The following TMEFF2 variants were observed in gnomAD, a reference collection of about 807,000 sequenced individuals.
The protein encoded by TMEFF2 is transmembrane protein with EGF like and two follistatin like domains 2, also known as tomoregulin-2.
A neutral mutation model predicts 53.8 loss-of-function variants in TMEFF2; 28 were observed. The ratio of observed to expected loss-of-function variants is 0.52; its 90% CI spans 0.39 to 0.71. The LOEUF is 0.71. Among genes scored for constraint, TMEFF2 ranks in the 30% least tolerant of loss-of-function variants. TMEFF2 has a pLI of 0.00. For missense variants in TMEFF2, 353 were observed against 455.2 expected (o/e 0.78, Z 2.04); for synonymous variants, 162 against 166.3 (o/e 0.97, Z 0.20).
intron 7 of TMEFF2, among the ~76,000 whole-genome samples, chr2:191,989,371 G>A (rs1686051647): frequency 1.3e-5 from 2 of 152,146 alleles, no homozygotes; most frequent in South Asian, 2.1e-4. Flanking sequence ...TGGGGAGGAG[G>A]TCCTAGCCAA....
intron 4 of TMEFF2, among the ~76,000 whole-genome samples, chr2:192,153,416 G>A (rs1160202086): frequency 1.3e-5 from 2 of 151,642 alleles, no homozygotes. Flanking sequence ...ATTTATTGAT[G>A]AGTAGCCAAT....
At chr2:192,191,033 A>G (rs1691448934) in intron 2 of TMEFF2, among the ~76,000 whole-genome samples, 2 of 152,156 alleles carry the variant, frequency 1.3e-5, no homozygotes, top group African/African-American at 2.4e-5. Flanking sequence ...AATATAGGCT[A>G]TTAGTACAAC....
In TMEFF2 at chr2:191,994,946, A is replaced by G. The variant is rs75085146; in HGVS notation, c.745+3316T>C. Among the ~76,000 whole-genome samples the G allele has an allele frequency of 0.012, 1,844 of 152,098 alleles. 65 individuals are homozygous for G. The East Asian group carries it at 0.16, about 13-fold the overall frequency. ...AGGAGAGAGGGCAGAATAGAGATCC[A>G]AATCAAATGCAACCAGAAAGTAATA... On this transcript the variant is annotated intron_variant, in intron 7 of 9. Transcript: ENST00000272771.
intron 4 of TMEFF2, among the ~76,000 whole-genome samples, chr2:192,167,226 A>G (rs912355037): frequency 4.6e-5 from 7 of 152,158 alleles, no homozygotes; most frequent in African/African-American, 1.7e-4. Flanking sequence ...AAAATATCTA[A>G]TGGCAGCATT....
chr2:192,174,601 C>T (rs770064747), intron 4 of TMEFF2, among the ~76,000 whole-genome samples: 3 of 151,730 alleles, frequency 2.0e-5, no homozygotes, highest in Non-Finnish European at 4.4e-5. Context: ...TGGCTATACG[C>T]TCATCTCCAG....
chr2:192,136,568 G>A (rs1690012407), intron 4 of TMEFF2, among the ~76,000 whole-genome samples: 2 of 152,070 alleles, frequency 1.3e-5, no homozygotes, highest in Non-Finnish European at 2.9e-5. Context: ...ACCAAGAGGA[G>A]GAAAGAAATA....
At chr2:192,008,102 C>T (rs1330249161) in intron 5 of TMEFF2, among the ~76,000 whole-genome samples, 1 of 152,172 alleles carries the variant, frequency 6.6e-6, no homozygotes, top group Non-Finnish European at 1.5e-5. Flanking sequence ...CAGAAGCAAA[C>T]AGGCTTCTAT....
chr2:192,160,161 A>T (rs1046086907), intron 4 of TMEFF2, among the ~76,000 whole-genome samples: 1 of 152,184 alleles, frequency 6.6e-6, no homozygotes, highest in Non-Finnish European at 1.5e-5. Flanking sequence ...AGGGGAGGCC[A>T]AGTTGGGTGA....
intron 5 of TMEFF2, among the ~76,000 whole-genome samples, chr2:192,003,926 T>TGTGG (rs1553512512): frequency 1.0e-5 from 1 of 96,390 alleles, no homozygotes; most frequent in Non-Finnish European, 2.3e-5. Flanking sequence ...TGTGTGTGTG[T>TGTGG]GTGGGGGGGG....
At chr2:192,129,150 A>G (rs1235271290) in intron 4 of TMEFF2, among the ~76,000 whole-genome samples, 1 of 152,182 alleles carries the variant, frequency 6.6e-6, no homozygotes, top group Non-Finnish European at 1.5e-5. Context: ...CCCAAGGCTG[A>G]AAAAATGACT....
chr2:192,113,136 T>C (rs1400436026), intron 4 of TMEFF2, among the ~76,000 whole-genome samples: 2 of 151,980 alleles, frequency 1.3e-5, no homozygotes, highest in East Asian at 3.8e-4. Flanking sequence ...GCACTTAAAA[T>C]TAATATTATG....
intron 5 of TMEFF2, among the ~76,000 whole-genome samples, chr2:192,049,790 A>G (rs531753639): frequency 6.6e-6 from 1 of 152,308 alleles, no homozygotes; most frequent in Non-Finnish European, 1.5e-5. Flanking sequence ...TCACAAGGTC[A>G]GGAGATTGAG....
chr2:191,980,720 C>T (rs1685834047), intron 7 of TMEFF2, among the ~76,000 whole-genome samples: 1 of 152,070 alleles, frequency 6.6e-6, no homozygotes. Context: ...CTCCAGTCAT[C>T]TATGTTGATG....
Position 191,998,384 on chromosome 2 carries a change from T to C in TMEFF2, c.686-63A>G, listed in dbSNP as rs1298278419. 10 of 1,219,826 alleles carry C rather than the reference T, an allele frequency of 8.2e-6. No homozygotes were observed. The East Asian group carries it at 2.4e-4, about 30-fold the overall frequency. 75.6% of individuals were successfully genotyped at this position (1,219,826 alleles called of 1,614,324 possible). On this transcript the variant is annotated intron_variant, in intron 6 of 9. Coordinates refer to ENST00000272771, the MANE Select transcript of TMEFF2 (RefSeq NM_016192.4). ...CTTCCTAAATATCTAATATCAAACTTATATATTTCCTCCAACAATATCTTC... is the reference window on the plus strand; with the variant it reads ...CTTCCTAAATATCTAATATCAAACTCATATATTTCCTCCAACAATATCTTC...
chr2:192,009,387 A>C (rs1686573289), intron 5 of TMEFF2, among the ~76,000 whole-genome samples: 1 of 152,220 alleles, frequency 6.6e-6, no homozygotes, highest in Non-Finnish European at 1.5e-5. Context: ...GTGCACTTGC[A>C]ACAAATCATC....
At chr2:192,125,516 A>G (rs933455200) in intron 4 of TMEFF2, among the ~76,000 whole-genome samples, 8 of 152,216 alleles carry the variant, frequency 5.3e-5, no homozygotes, top group African/African-American at 1.9e-4. Context: ...AAGTGAAGCT[A>G]ACTACTAATT....
At chr2:191,991,846 C>T (rs1215608990) in intron 7 of TMEFF2, among the ~76,000 whole-genome samples, 5 of 152,106 alleles carry the variant, frequency 3.3e-5, no homozygotes. Context: ...AAATCTTCAT[C>T]TGTATTGGAA....
At chr2:192,007,371 G>A (rs1047572635) in intron 5 of TMEFF2, among the ~76,000 whole-genome samples, 3 of 152,176 alleles carry the variant, frequency 2.0e-5, no homozygotes, top group East Asian at 1.9e-4. Flanking sequence ...TGTGTCTGGC[G>A]CCTTGCTCCT....
In TMEFF2 at chr2:191,979,857, G is replaced by GATCT. The variant is rs535953153; in HGVS notation, c.745+18401_745+18404dup. On this transcript the variant is annotated intron_variant, in intron 7 of 9. Coordinates refer to ENST00000272771, the MANE Select transcript of TMEFF2 (RefSeq NM_016192.4). ...CTATATATATCTCTATCTATCTATCGATCTATCTATCTATCTATATGTTTT... is the reference window on the plus strand; with the variant it reads ...CTATATATATCTCTATCTATCTATCGATCTATCTATCTATCTATCTATATGTTTT... Among the ~76,000 whole-genome samples the GATCT allele has an allele frequency of 7.9e-3, 1,185 of 150,724 alleles. 22 individuals carry two copies. Among genetic ancestry groups the GATCT allele is most frequent in the African/African-American group, 0.026 (1,078 of 41,088 alleles).
Sources: gnomAD v4.1 joint callset for allele counts (sites outside exome capture counted in the v4.1 genomes callset) on GRCh38, gnomAD v4.1.1 for gene constraint, MANE v1.5 for transcripts, NCBI Gene and HGNC (gene_info 2026-07-23, HGNC 2026-07-21) for gene names.